LRRC47: variants seen among roughly 807,000 people sequenced by gnomAD.
LRRC47 encodes leucine rich repeat containing 47.
LRRC47 carries 31 observed loss-of-function variants against 40.9 expected under a neutral mutation model. The ratio of observed to expected loss-of-function variants is 0.76; its 90% CI spans 0.57 to 1.02. The LOEUF (loss-of-function observed/expected upper bound fraction) is 1.02. Among genes scored for constraint, LRRC47 ranks in the 50% least tolerant of loss-of-function variants. LRRC47 has a pLI of 0.00. For missense variants in LRRC47, 726 were observed against 796.1 expected, an observed-to-expected ratio of 0.91 and a Z score of 1.06; for synonymous variants, 427 against 371.9, an observed-to-expected ratio of 1.15 and a Z score of -1.70.
At chr1:3,791,927 T>C (rs191050048) in intron 1 of LRRC47, among the ~76,000 whole-genome samples, 1 of 151,812 alleles carries the variant, frequency 6.6e-6, no homozygotes, top group East Asian at 1.9e-4. Context: ...CTAATTTTTG[T>C]ATTTTTTATA....
Position 3,781,154 on chromosome 1 carries a change from C to T in LRRC47, c.1686G>A (p.Leu562=), listed in dbSNP as rs762152151. 5 of 1,614,038 alleles carry T rather than the reference C, an allele frequency of 3.1e-6. No homozygotes were observed. The South Asian group carries it at 3.3e-5, about 11-fold the overall frequency. ...CGGCCTTGGACGGGTACACCACCTTCAGGCTCCCTTCCAGATCCACCACCC... is the reference window on the plus strand; with the variant it reads ...CGGCCTTGGACGGGTACACCACCTTTAGGCTCCCTTCCAGATCCACCACCC... ...QVRVVDLEGS[L]KVVYPSKADL... The change falls in exon 7 of 7, where the codon CTG becomes CTA. Residue 562 remains leucine (L), a synonymous_variant. Coordinates refer to ENST00000378251, the MANE Select transcript of LRRC47 (RefSeq NM_020710.3).
rs111904928 is a variant in LRRC47, at chr1:3,787,614, T to C, written c.616-304A>G. Among the ~76,000 whole-genome samples, 604 of 152,308 alleles carry C rather than the reference T, an allele frequency of 4.0e-3. 6 individuals carry two copies. The highest frequency in any genetic ancestry group is 0.014 in the African/African-American group (579 of 41,534). On this transcript the variant is annotated intron_variant, in intron 1 of 6. Transcript: ENST00000378251. ...CCCTCTTTAACAACCACAGCAGCCC[T>C]GCAGCTCAATCATCACGTTAGAGAA... is the stretch of plus-strand genomic sequence containing the variant.
At chr1:3,792,749 C>A (rs1019693796) in intron 1 of LRRC47, among the ~76,000 whole-genome samples, 1 of 152,132 alleles carries the variant, frequency 6.6e-6, no homozygotes, top group Non-Finnish European at 1.5e-5. Context: ...GTGGGCCTGG[C>A]CCACAACACT....
chr1:3,785,861 C>T (rs557204215), intron 2 of LRRC47, among the ~76,000 whole-genome samples: 1 of 151,338 alleles, frequency 6.6e-6, no homozygotes, highest in East Asian at 1.9e-4. Flanking sequence ...AATCAAGGAA[C>T]CCTGATTTTC....
Position 3,795,880 on chromosome 1 carries a change from G to T in LRRC47, c.597C>A (p.Ala199=), listed in dbSNP as rs1361341902. ...CGCTGACCTTGAGCGAGGCCAGGTG[G>T]GCGATGTCGGGGCTGAGTTCTCGGA... ...NCLRELSPDI[A]HLASLKTLDL... The change falls in exon 1 of 7, where the codon GCC becomes GCA. Residue 199 remains alanine, a synonymous_variant. Transcript: ENST00000378251. 3 of 1,591,644 alleles carry T rather than the reference G, an allele frequency of 1.9e-6. No homozygotes were observed. Among genetic ancestry groups the T allele is most frequent in the Non-Finnish European group, 2.6e-6 (3 of 1,174,230 alleles).
rs1361655159 is a variant in LRRC47 at position 3,780,954 on chromosome 1, G to A, written c.*134C>T. On this transcript the variant is annotated 3_prime_UTR_variant, in exon 7 of 7. Coordinates refer to ENST00000378251, the MANE Select transcript of LRRC47 (RefSeq NM_020710.3). ...TCACGCCACTGCACTCCAGCCTGGCGACAGAGCGAGACTCCATCTCAAAAA... is the reference window on the plus strand; with the variant it reads ...TCACGCCACTGCACTCCAGCCTGGCAACAGAGCGAGACTCCATCTCAAAAA... 9.6e-6 allele frequency: 13 copies of A among 1,357,228 alleles called. No homozygotes were observed. The highest frequency in any genetic ancestry group is 1.5e-5 in the African/African-American group (1 of 68,496). 84.1% of individuals were successfully genotyped at this position (1,357,228 alleles called of 1,614,324 possible). A position where few individuals can be genotyped will look rare whatever the true frequency, so the allele number is the denominator to read the frequency against.
chr1:3,796,174 A>C lies in LRRC47; in HGVS notation c.303T>G (p.Leu101=). 6.9e-7 allele frequency: 1 copy of C among 1,442,110 alleles called. No homozygotes were observed. The highest frequency in any genetic ancestry group is 9.1e-7 in the Non-Finnish European group (1 of 1,104,100). 89.3% of individuals were successfully genotyped at this position (1,442,110 alleles called of 1,614,324 possible). A position where few individuals can be genotyped will look rare whatever the true frequency, so the allele number is the denominator to read the frequency against. The change falls in exon 1 of 7, where the codon CTT becomes CTG. Residue 101 remains leucine (L), a synonymous_variant. Transcript: ENST00000378251. ...LSPELGPLPA[L]RVLDLSGNAL... is the part of the protein sequence containing the mutation. Reference sequence around the variant, plus strand: ...CGTTGCCCGACAGGTCGAGCACCCGAAGGGCAGGCAGCGGCCCGAGCTCGG... The same window carrying C: ...CGTTGCCCGACAGGTCGAGCACCCGCAGGGCAGGCAGCGGCCCGAGCTCGG...
chr1:3,793,825 C>T (rs1570742168), intron 1 of LRRC47, among the ~76,000 whole-genome samples: 1 of 152,138 alleles, frequency 6.6e-6, no homozygotes, highest in African/African-American at 2.4e-5. Flanking sequence ...AGCAAGCACC[C>T]GTTGCCTAGC....
chr1:3,785,004 A>C, intron 3 of LRRC47, 83 bp downstream of exon 3: 1 of 1,102,446 alleles, frequency 9.1e-7, no homozygotes. Context: ...AAAAAAAAAA[A>C]AAGTTCGGGC....
intron 1 of LRRC47, among the ~76,000 whole-genome samples, chr1:3,790,165 T>G (rs2124613445): frequency 6.6e-6 from 1 of 152,290 alleles, no homozygotes; most frequent in Middle Eastern, 3.4e-3. Flanking sequence ...GCCCATGGCT[T>G]TTGCAGGGGA....
chr1:3,788,716 G>C (rs1205842659), intron 1 of LRRC47, among the ~76,000 whole-genome samples: 1 of 152,220 alleles, frequency 6.6e-6, no homozygotes, highest in East Asian at 1.9e-4. Flanking sequence ...AGCGGGAAGG[G>C]TGGCACGGCT....
At chr1:3,790,806 T>C (rs914074197) in intron 1 of LRRC47, among the ~76,000 whole-genome samples, 3 of 152,298 alleles carry the variant, frequency 2.0e-5, no homozygotes, top group African/African-American at 7.2e-5. Flanking sequence ...CCCTGGGGAA[T>C]GGCTGTGGGG....
intron 5 of LRRC47, among the ~76,000 whole-genome samples, chr1:3,781,956 C>A (rs566544296): frequency 6.6e-6 from 1 of 152,136 alleles, no homozygotes. Flanking sequence ...ACTCCAACTT[C>A]GGCAACACAG....
Position 3,781,567 on chromosome 1 carries a change from A to G in LRRC47, c.1448T>C (p.Val483Ala). ...KKTTSDLFLEVTSATSLQICK... is the reference protein window; with the variant it reads ...KKTTSDLFLEATSATSLQICK... Reference sequence around the variant, plus strand: ...AATCTGCAGACTGGTGGCACTTGTTACTTCCAAAAACAAATCAGAAGTCGT... The same window carrying G: ...AATCTGCAGACTGGTGGCACTTGTTGCTTCCAAAAACAAATCAGAAGTCGT... Residue 483 changes from valine to alanine, a missense_variant, in exon 6 of 7, where the codon GTA (valine) becomes GCA (alanine). Physicochemically the swap from Val to Ala is moderately conservative, Grantham distance 64. Transcript: ENST00000378251. The G allele has an allele frequency of 6.2e-7, 1 of 1,613,988 alleles. No individual in the cohort carries two copies. The highest frequency in any genetic ancestry group is 8.5e-7 in the Non-Finnish European group (1 of 1,179,964).
chr1:3,789,794 C>T (rs191517452), intron 1 of LRRC47, among the ~76,000 whole-genome samples: 1 of 152,220 alleles, frequency 6.6e-6, no homozygotes, highest in Non-Finnish European at 1.5e-5. Flanking sequence ...AAATGCAAGG[C>T]CCTGCTGACG....
intron 1 of LRRC47, among the ~76,000 whole-genome samples, chr1:3,790,575 G>A (rs1378212587): frequency 3.9e-5 from 6 of 152,144 alleles, no homozygotes; most frequent in Non-Finnish European, 7.4e-5. Flanking sequence ...TGAGCCCCAC[G>A]GGCCACAGCA....
At position 3,780,940 on chromosome 1, in the gene LRRC47, C is replaced by T; in HGVS notation, c.*148G>A. On this transcript the variant is annotated 3_prime_UTR_variant, in exon 7 of 7. Transcript: ENST00000378251. ...GCAGTGACTCGAGATCACGCCACTGCACTCCAGCCTGGCGACAGAGCGAGA... is the reference window on the plus strand; with the variant it reads ...GCAGTGACTCGAGATCACGCCACTGTACTCCAGCCTGGCGACAGAGCGAGA... 1 of 1,206,152 alleles carries T rather than the reference C, an allele frequency of 8.3e-7. No homozygotes were observed. Among genetic ancestry groups the T allele is most frequent in the Non-Finnish European group, 1.1e-6 (1 of 870,080 alleles). The allele number at this position is 1,206,152 out of a possible 1,614,324, so 74.7% of individuals were successfully genotyped here. A position where few individuals can be genotyped will look rare whatever the true frequency, so the allele number is the denominator to read the frequency against.
intron 1 of LRRC47, among the ~76,000 whole-genome samples, chr1:3,791,526 G>C (rs952335440): frequency 6.6e-6 from 1 of 152,126 alleles, no homozygotes; most frequent in Non-Finnish European, 1.5e-5. Flanking sequence ...GCACCATCTT[G>C]GCTCACCGAA....
In LRRC47 at chr1:3,782,847, G is replaced by A. The variant is rs2124609331; in HGVS notation, c.1311-84C>T. 3 of 859,802 alleles carry A rather than the reference G, an allele frequency of 3.5e-6. No individual in the cohort carries two copies. The South Asian group carries it at 4.1e-5, about 12-fold the overall frequency. The allele number at this position is 859,802 out of a possible 1,614,324, so 53.3% of individuals were successfully genotyped here. Reference sequence around the variant, plus strand: ...GTGGTGGCATGTGCCTGTGGTCCCAGCACTCAGGAGGCTGAGACAGGAGGG... The same window carrying A: ...GTGGTGGCATGTGCCTGTGGTCCCAACACTCAGGAGGCTGAGACAGGAGGG... On this transcript the variant is annotated intron_variant, in intron 4 of 6. Coordinates refer to ENST00000378251, the MANE Select transcript of LRRC47 (RefSeq NM_020710.3).
Sources: gnomAD v4.1 joint callset for allele counts (sites outside exome capture counted in the v4.1 genomes callset) on GRCh38, gnomAD v4.1.1 for gene constraint, MANE v1.5 for transcripts, NCBI Gene and HGNC (gene_info 2026-07-23, HGNC 2026-07-21) for gene names.